The following DGKI variants were observed in gnomAD, a reference collection of about 807,000 sequenced individuals.
DGKI encodes the protein diacylglycerol kinase iota.
A neutral mutation model predicts 147.5 loss-of-function variants in DGKI; 55 were observed. The ratio of observed to expected loss-of-function variants is 0.37; its 90% confidence interval spans 0.30 to 0.47. The LOEUF (loss-of-function observed/expected upper bound fraction) is 0.47, where lower values mean the gene tolerates loss of function less well. Among genes scored for constraint, DGKI ranks in the 20% least tolerant of loss-of-function variants. The pLI is 1.00. For synonymous variants in DGKI, 469 were observed against 477.1 expected, an observed-to-expected ratio of 0.98 and a Z score of 0.22; for missense variants, 1,007 against 1,323.8, an observed-to-expected ratio of 0.76 and a Z score of 3.71.
intron 1 of DGKI, among the ~76,000 whole-genome samples, chr7:137,768,333 G>A (rs986725516): frequency 3.9e-5 from 6 of 152,172 alleles, no homozygotes; most frequent in African/African-American, 1.4e-4. Context: ...TAGAGAAATG[G>A]AAAGTTGCTG....
At chr7:137,455,990 C>A (rs1406090) in intron 27 of DGKI, among the ~76,000 whole-genome samples, 1 of 151,986 alleles carries the variant, frequency 6.6e-6, no homozygotes, top group Non-Finnish European at 1.5e-5. Context: ...CTAAGACAGA[C>A]ACACTGAGAA....
At chr7:137,715,506 A>G (rs574628821) in intron 1 of DGKI, among the ~76,000 whole-genome samples, 10 of 152,320 alleles carry the variant, frequency 6.6e-5, no homozygotes, top group Admixed American at 2.0e-4. Context: ...AAAGTCTCTT[A>G]AAGTCCAGAA....
intron 19 of DGKI, among the ~76,000 whole-genome samples, chr7:137,553,617 G>A (rs528354923): frequency 6.6e-6 from 1 of 151,924 alleles, no homozygotes; most frequent in Non-Finnish European, 1.5e-5. Context: ...ATACATTTTT[G>A]TTGTATAACA....
chr7:137,402,354 G>T (rs1482070661), intron 30 of DGKI, among the ~76,000 whole-genome samples: 1 of 152,200 alleles, frequency 6.6e-6, no homozygotes, highest in Non-Finnish European at 1.5e-5. Flanking sequence ...AGAAAATTCT[G>T]TTAAGTGGAC....
At position 137,609,730 on chromosome 7, in the gene DGKI, C is replaced by A. The variant is rs1189380620; in HGVS notation, c.994-121G>T. The A allele has an allele frequency of 3.4e-5, 23 of 671,676 alleles. No individual in the cohort carries two copies. The East Asian group carries it at 6.2e-4, about 18-fold the overall frequency. 41.6% of individuals were successfully genotyped at this position (671,676 alleles called of 1,614,324 possible). ...TTCCACTGCATGCTTCTCATGCTTTCACACTTCCAAGCCACTGTTCATGGA... is the reference window on the plus strand; with the variant it reads ...TTCCACTGCATGCTTCTCATGCTTTAACACTTCCAAGCCACTGTTCATGGA... On this transcript the variant is annotated intron_variant, in intron 8 of 32. Coordinates refer to ENST00000614521, the MANE Select transcript of DGKI (RefSeq NM_001321708.2).
At chr7:137,504,094 A>C (rs1212552669) in intron 21 of DGKI, among the ~76,000 whole-genome samples, 1 of 152,198 alleles carries the variant, frequency 6.6e-6, no homozygotes, top group African/African-American at 2.4e-5. Flanking sequence ...CCAAAGCAGA[A>C]AGAGCCACCT....
chr7:137,624,157 T>C (rs1445375850), intron 6 of DGKI, among the ~76,000 whole-genome samples: 1 of 152,228 alleles, frequency 6.6e-6, no homozygotes, highest in Non-Finnish European at 1.5e-5. Context: ...ATGGTAAACC[T>C]AATCCTCTTA....
intron 1 of DGKI, among the ~76,000 whole-genome samples, chr7:137,821,396 C>T (rs1797891482): frequency 6.6e-6 from 1 of 151,432 alleles, no homozygotes; most frequent in South Asian, 2.1e-4. Flanking sequence ...CCCCTGGTCA[C>T]AGACAGAGAA....
At chr7:137,777,616 A>G (rs1234720930) in intron 1 of DGKI, among the ~76,000 whole-genome samples, 1 of 152,272 alleles carries the variant, frequency 6.6e-6, no homozygotes, top group Non-Finnish European at 1.5e-5. Flanking sequence ...ATATCTCAAC[A>G]GATGAAATAT....
chr7:137,745,561 G>T lies in DGKI; in HGVS notation c.402-55559C>A, dbSNP rs149040298. On this transcript the variant is annotated intron_variant, in intron 1 of 32. Coordinates refer to ENST00000614521, the MANE Select transcript of DGKI (RefSeq NM_001321708.2). The stretch of plus-strand genomic sequence containing the variant: ...TCCTCCCTTTGTCCACGGTATCCAT[G>T]CTGTCAGTGCTACCTGTCCCTCAGT... Among the ~76,000 whole-genome samples the T allele has an allele frequency of 6.6e-5, 10 of 152,322 alleles. No individual in the cohort carries two copies. The East Asian group carries it at 1.7e-3, about 26-fold the overall frequency.
chr7:137,418,016 A>T (rs576299865), intron 28 of DGKI, among the ~76,000 whole-genome samples: 3 of 152,314 alleles, frequency 2.0e-5, no homozygotes, highest in Admixed American at 2.0e-4. Flanking sequence ...TAAGATCCCC[A>T]CCTGTTCCCA....
chr7:137,393,164 T>C (rs1404210217), intron 32 of DGKI, among the ~76,000 whole-genome samples: 1 of 152,150 alleles, frequency 6.6e-6, no homozygotes, highest in African/African-American at 2.4e-5. Flanking sequence ...TTGGAGCATA[T>C]CTTCCTACAT....
intron 28 of DGKI, among the ~76,000 whole-genome samples, chr7:137,421,275 A>C (rs2128906073): frequency 6.6e-6 from 1 of 152,340 alleles, no homozygotes. Flanking sequence ...CTTTATATTC[A>C]AACACCACCT....
intron 1 of DGKI, among the ~76,000 whole-genome samples, chr7:137,695,802 A>G (rs1823761179): frequency 6.6e-6 from 1 of 152,186 alleles, no homozygotes; most frequent in Non-Finnish European, 1.5e-5. Context: ...AAGAATGCAA[A>G]CTTCTACCAG....
chr7:137,494,383 G>T (rs1265447986), intron 21 of DGKI, among the ~76,000 whole-genome samples: 3 of 151,860 alleles, frequency 2.0e-5, no homozygotes, highest in Non-Finnish European at 2.9e-5. Context: ...GATTCTCCAA[G>T]GAAAAAATGA....
At chr7:137,838,022 T>C (rs1012531536) in intron 1 of DGKI, among the ~76,000 whole-genome samples, 4 of 147,618 alleles carry the variant, frequency 2.7e-5, no homozygotes, top group African/African-American at 1.0e-4. Context: ...TTTTTTTTTT[T>C]AGACAGAGTC....
chr7:137,590,252 G>A (rs1409565954), intron 12 of DGKI, among the ~76,000 whole-genome samples: 1 of 152,196 alleles, frequency 6.6e-6, no homozygotes, highest in Non-Finnish European at 1.5e-5. Context: ...AAGAGAGGAG[G>A]AAGGAATGTG....
In DGKI at chr7:137,520,576, G is replaced by T. The variant is rs370419359; in HGVS notation, c.2248+1290C>A. Among the ~76,000 whole-genome samples the T allele has an allele frequency of 2.6e-5, 4 of 152,196 alleles. No homozygotes were observed. The East Asian group carries it at 7.7e-4, about 29-fold the overall frequency. ...TCCTATAAAAGGAAATGAGGGTAAA[G>T]TATGGAAGTGAGAAGGCTGGGGAGA... On this transcript the variant is annotated intron_variant, in intron 21 of 32. Coordinates refer to ENST00000614521, the MANE Select transcript of DGKI (RefSeq NM_001321708.2).
At chr7:137,425,150 A>G (rs1361637052) in intron 28 of DGKI, among the ~76,000 whole-genome samples, 1 of 152,222 alleles carries the variant, frequency 6.6e-6, no homozygotes, top group African/African-American at 2.4e-5. Context: ...GGCACCCCCC[A>G]GTAGGGGCAG....
Sources: gnomAD v4.1 joint callset for allele counts (sites outside exome capture counted in the v4.1 genomes callset) on GRCh38, gnomAD v4.1.1 for gene constraint, MANE v1.5 for transcripts, NCBI Gene and HGNC (gene_info 2026-07-23, HGNC 2026-07-21) for gene names.